Variants in PCDHA10 observed in about 807,000 individuals in gnomAD.
PCDHA10 encodes the protein protocadherin alpha 10, also known as protocadherin alpha-10.
PCDHA10 carries 45 observed loss-of-function variants against 61.2 expected under a neutral mutation model. That is an observed-to-expected ratio of 0.74 (90% confidence interval 0.58 to 0.94). The LOEUF is 0.94. PCDHA10 is among the 40% of genes least tolerant of loss of function. PCDHA10 has a pLI of 0.00. For missense variants in PCDHA10, 1,278 were observed against 1,236.2 expected (o/e 1.03, Z -0.51); for synonymous variants, 602 against 548.8 (o/e 1.10, Z -1.35).
chr5:140,932,866 T>C (rs1584758563), intron 1 of PCDHA10, among the ~76,000 whole-genome samples: 1 of 151,996 alleles, frequency 6.6e-6, no homozygotes, highest in Non-Finnish European at 1.5e-5. Flanking sequence ...TTATTGTCTT[T>C]TGTTGTCTTC....
chr5:140,863,237 C>A (rs782024401), intron 1 of PCDHA10: 6 of 1,306,974 alleles, frequency 4.6e-6, no homozygotes, highest in Non-Finnish European at 5.3e-6. Context: ...CCATCGCGGG[C>A]TTTGGCGGGC....
chr5:140,984,692 C>T (rs1252057323), intron 3 of PCDHA10, among the ~76,000 whole-genome samples: 2 of 152,130 alleles, frequency 1.3e-5, no homozygotes, highest in Non-Finnish European at 2.9e-5. Context: ...ATATGTTCTG[C>T]ACTGCTTGGA....
chr5:140,925,964 CA>C lies in PCDHA10; in HGVS notation c.2389-52976del, dbSNP rs782520997. Among the ~76,000 whole-genome samples the C allele has an allele frequency of 8.1e-3, 1,224 of 150,190 alleles. 5 individuals carry two copies. The highest frequency in any genetic ancestry group is 0.019 in the African/African-American group (788 of 40,962). ...TGGAGAAGGAGAAACTGCTATCACG[CA>C]AAAAAAAAGCCTTGAGCTCGCTGGC... On this transcript the variant is annotated intron_variant, in intron 1 of 3. Transcript: ENST00000307360.
At position 140,855,966 on chromosome 5, in the gene PCDHA10, T is replaced by G. The variant is rs1554148056; in HGVS notation, c.-83T>G. The G allele has an allele frequency of 4.9e-6, 7 of 1,422,780 alleles. No homozygotes were observed. Among genetic ancestry groups the G allele is most frequent in the Non-Finnish European group, 2.9e-6 (3 of 1,049,546 alleles). 88.1% of individuals were successfully genotyped at this position (1,422,780 alleles called of 1,614,324 possible). Reference sequence around the variant, plus strand: ...CAGCCATTTCGATAAAAAATAGATATAAGAAATAGGACAGAAAATGTCAGA... The same window carrying G: ...CAGCCATTTCGATAAAAAATAGATAGAAGAAATAGGACAGAAAATGTCAGA... On this transcript the variant is annotated 5_prime_UTR_variant, in exon 1 of 4. Coordinates refer to ENST00000307360, the MANE Select transcript of PCDHA10 (RefSeq NM_018901.4).
intron 1 of PCDHA10, among the ~76,000 whole-genome samples, chr5:140,959,117 G>A (rs2095468242): frequency 6.6e-6 from 1 of 152,174 alleles, no homozygotes; most frequent in South Asian, 2.1e-4. Flanking sequence ...CCGAAGGTGG[G>A]CGAGGTGAGC....
At chr5:140,952,125 AG>A (rs1234128402) in intron 1 of PCDHA10, among the ~76,000 whole-genome samples, 1 of 152,092 alleles carries the variant, frequency 6.6e-6, no homozygotes, top group Non-Finnish European at 1.5e-5. Context: ...TGGGCTCCCA[AG>A]GCCTTGGGAA....
intron 1 of PCDHA10, among the ~76,000 whole-genome samples, chr5:140,931,210 G>A (rs1326851548): frequency 6.6e-6 from 1 of 152,064 alleles, no homozygotes; most frequent in African/African-American, 2.4e-5. Flanking sequence ...TAGTATTTCA[G>A]GTATCAGAGC....
At chr5:140,986,583 T>C (rs1265983211) in intron 3 of PCDHA10, among the ~76,000 whole-genome samples, 1 of 152,170 alleles carries the variant, frequency 6.6e-6, no homozygotes, top group African/African-American at 2.4e-5. Flanking sequence ...TTTTTCCAGC[T>C]CCTCTTTCTA....
intron 1 of PCDHA10, chr5:140,968,960 T>C (rs1563384845): frequency 6.2e-7 from 1 of 1,614,212 alleles, no homozygotes; most frequent in South Asian, 1.1e-5. Context: ...CATCAAGTGC[T>C]ACCGCTACAC....
rs116104145 is a variant in PCDHA10, at chr5:140,901,150, A to G, written c.2388+42714A>G. Among the ~76,000 whole-genome samples, 839 of 152,012 alleles carry G rather than the reference A, an allele frequency of 5.5e-3. 12 individuals carry two copies. Among genetic ancestry groups the G allele is most frequent in the African/African-American group, 0.019 (783 of 41,484 alleles). On this transcript the variant is annotated intron_variant, in intron 1 of 3. Transcript: ENST00000307360. ...GGTAGATTGTAAATATTTTCTCTCA[A>G]TCTGTGGGTTGTCTCTTCACTTTGT...
chr5:140,870,345 C>T (rs782253040), intron 1 of PCDHA10: 7 of 1,614,066 alleles, frequency 4.3e-6, no homozygotes, highest in South Asian at 2.2e-5. Flanking sequence ...CCCTGGACCG[C>T]GAGAACGTGT....
chr5:140,923,189 C>A (rs1452451112), intron 1 of PCDHA10, among the ~76,000 whole-genome samples: 1 of 152,210 alleles, frequency 6.6e-6, no homozygotes, highest in African/African-American at 2.4e-5. Flanking sequence ...GCATCTACTG[C>A]AGCAATTTGG....
chr5:140,873,453 A>G (rs1454430298), intron 1 of PCDHA10, among the ~76,000 whole-genome samples: 2 of 152,180 alleles, frequency 1.3e-5, no homozygotes, highest in Non-Finnish European at 2.9e-5. Context: ...ACAAATTTGC[A>G]TTTTAGATAA....
rs1215623176 is a variant in PCDHA10 at position 140,858,135 on chromosome 5, T to A, written c.2087T>A (p.Val696Glu). Residue 696 changes from valine to glutamate, a missense_variant, in exon 1 of 4, where the codon GTG becomes GAG. By Grantham distance (121) the Val-to-Glu change is moderately radical. Transcript: ENST00000307360. ...GAGGTGGCCCTGGTGGATGTCAACG[T>A]GTACCTGATCATCGCCATCTGCGCG... is the stretch of plus-strand genomic sequence containing the variant. Reference protein sequence around the residue: ...APEVALVDVNVYLIIAICAVS... With the variant: ...APEVALVDVNEYLIIAICAVS... 2 of 1,597,334 alleles carry A rather than the reference T, an allele frequency of 1.3e-6. 1 individual carries two copies. Among genetic ancestry groups the A allele is most frequent in the Non-Finnish European group, 1.7e-6 (2 of 1,167,406 alleles).
At chr5:140,887,961 G>A (rs1311969868) in intron 1 of PCDHA10, among the ~76,000 whole-genome samples, 1 of 151,770 alleles carries the variant, frequency 6.6e-6, no homozygotes, top group African/African-American at 2.4e-5. Flanking sequence ...GATTCTTTTT[G>A]TCTCTTTTAA....
At chr5:140,871,450 G>C (rs781785142) in intron 1 of PCDHA10, 1 of 1,608,836 alleles carries the variant, frequency 6.2e-7, no homozygotes, top group Non-Finnish European at 8.5e-7. Flanking sequence ...GAATAAAGAG[G>C]AGGAAGGGGA....
chr5:140,879,844 C>CCCATCTCAG (rs1554171035), intron 1 of PCDHA10, among the ~76,000 whole-genome samples: 1 of 152,194 alleles, frequency 6.6e-6, no homozygotes, highest in Admixed American at 6.5e-5. Flanking sequence ...CTGTACCACT[C>CCCATCTCAG]CCATCTCAGC....
rs782803893 is a variant in PCDHA10, at chr5:140,927,898, C to G, written c.2389-51051C>G. 3.1e-6 allele frequency: 5 copies of G among 1,614,230 alleles called. No individual in the cohort carries two copies. In the South Asian group the frequency reaches 4.4e-5, roughly 14 times the overall value. On this transcript the variant is annotated intron_variant, in intron 1 of 3. Coordinates refer to ENST00000307360, the MANE Select transcript of PCDHA10 (RefSeq NM_018901.4). Reference sequence around the variant, plus strand: ...GGTGGAGGTGACTGACGTGAACGATCATGCCCCCGAACTGGACTTCCTGAC... The same window carrying G: ...GGTGGAGGTGACTGACGTGAACGATGATGCCCCCGAACTGGACTTCCTGAC...
intron 1 of PCDHA10, among the ~76,000 whole-genome samples, chr5:140,889,879 T>G (rs2062416989): frequency 6.6e-6 from 1 of 152,162 alleles, no homozygotes; most frequent in South Asian, 2.1e-4. Flanking sequence ...CCTGCCACCA[T>G]GTAAGAATTC....
Sources: allele counts gnomAD v4.1 joint callset (sites outside exome capture counted in the v4.1 genomes callset), GRCh38; gene constraint gnomAD v4.1.1; transcripts MANE v1.5; gene names NCBI Gene and HGNC (gene_info 2026-07-23, HGNC 2026-07-21).